The following CACNA1A variants were observed in gnomAD, a reference collection of about 807,000 sequenced individuals.
The protein encoded by CACNA1A is voltage-dependent P/Q-type calcium channel subunit alpha-1A.
A neutral mutation model predicts 262.4 loss-of-function variants in CACNA1A; 57 were observed. The observed-to-expected ratio is 0.22, with a 90% CI of 0.18 to 0.27. The LOEUF is 0.27. Among genes scored for constraint, CACNA1A ranks in the 10% least tolerant of loss-of-function variants. CACNA1A has a pLI of 1.00. For missense variants in CACNA1A, 2,526 were observed against 3,562.8 expected, an observed-to-expected ratio of 0.71 and a Z score of 7.41; for synonymous variants, 1,431 against 1,419.3, an observed-to-expected ratio of 1.01 and a Z score of -0.18.
At position 13,214,025 on chromosome 19, in the gene CACNA1A, C is replaced by G; in HGVS notation, c.5940+208G>C. On this transcript the variant is annotated intron_variant, in intron 40 of 46. Coordinates refer to ENST00000360228, the MANE Select transcript of CACNA1A (RefSeq NM_001127222.2). This position sits in a 1 kb window ranked among gnomAD's most constrained non-coding sequence, Gnocchi z 4.1. Reference sequence around the variant, plus strand: ...TAGAGATGGAGTCTCACTGTGTTGCCCAGGGTGGTCTCATCCTGGTCTCAA... The same window carrying G: ...TAGAGATGGAGTCTCACTGTGTTGCGCAGGGTGGTCTCATCCTGGTCTCAA... 5 of 567,670 alleles carry G rather than the reference C, an allele frequency of 8.8e-6. No homozygotes were observed. Among genetic ancestry groups the G allele is most frequent in the Non-Finnish European group, 1.6e-5 (5 of 316,078 alleles). The allele number at this position is 567,670 out of a possible 1,614,324, so 35.2% of individuals were successfully genotyped here.
rs60788974 is a variant in CACNA1A, at chr19:13,434,964, A to C, written c.539+17912T>G. ...GCCACCACACCTGGCTAATTTTTGT[A>C]CTTTTAGTAGAGACAGGATTTCACT... is the stretch of plus-strand genomic sequence containing the variant. On this transcript the variant is annotated intron_variant, in intron 3 of 46. Coordinates refer to ENST00000360228, the MANE Select transcript of CACNA1A (RefSeq NM_001127222.2). Among the ~76,000 whole-genome samples, 1,014 of 151,036 alleles carry C rather than the reference A, an allele frequency of 6.7e-3. 16 individuals carry two copies. Among genetic ancestry groups the C allele is most frequent in the African/African-American group, 0.022 (917 of 41,122 alleles).
intron 6 of CACNA1A, among the ~76,000 whole-genome samples, chr19:13,350,951 T>A (rs945004161): frequency 2.0e-5 from 3 of 152,172 alleles, no homozygotes; most frequent in Non-Finnish European, 4.4e-5. Flanking sequence ...CAGTGAGCTA[T>A]GATTGCATCA....
intron 3 of CACNA1A, among the ~76,000 whole-genome samples, chr19:13,420,645 C>T (rs991435051): frequency 6.6e-6 from 1 of 152,102 alleles, no homozygotes; most frequent in African/African-American, 2.4e-5. Context: ...CTGCTGACAC[C>T]TTGATTTTAG....
chr19:13,368,006 C>T (rs57769552), intron 4 of CACNA1A, among the ~76,000 whole-genome samples: 7,651 of 151,786 alleles, frequency 0.05, 509 homozygotes, highest in African/African-American at 0.15. Flanking sequence ...TTGTAAGACT[C>T]GAAGAATGTT....
intron 3 of CACNA1A, among the ~76,000 whole-genome samples, chr19:13,418,395 G>C (rs1335667886): frequency 2.6e-5 from 4 of 152,114 alleles, no homozygotes; most frequent in Non-Finnish European, 5.9e-5. Context: ...GTAGTGGGTT[G>C]AACAGTGAAC....
chr19:13,288,706 G>GC (rs1339759642), intron 19 of CACNA1A, among the ~76,000 whole-genome samples: 14 of 152,096 alleles, frequency 9.2e-5, no homozygotes, highest in Non-Finnish European at 8.8e-5. Context: ...TCACTTAGTA[G>GC]CCCATCTGAT....
chr19:13,290,316 T>G (rs538039162), intron 19 of CACNA1A, among the ~76,000 whole-genome samples: 2 of 152,088 alleles, frequency 1.3e-5, no homozygotes, highest in South Asian at 4.1e-4. Flanking sequence ...AACCTGCTTG[T>G]GATGCTTTTT....
At chr19:13,397,443 C>T (rs576832211) in intron 3 of CACNA1A, among the ~76,000 whole-genome samples, 3 of 152,124 alleles carry the variant, frequency 2.0e-5, no homozygotes, top group Admixed American at 6.5e-5. Flanking sequence ...ATAGGAATGT[C>T]CCTTAAAATT....
chr19:13,370,111 C>CT (rs1425244454), intron 4 of CACNA1A, among the ~76,000 whole-genome samples: 6 of 146,522 alleles, frequency 4.1e-5, no homozygotes. Flanking sequence ...TTTTTTTTTT[C>CT]TTTTTTTGAG....
intron 22 of CACNA1A, 41 bp downstream of exon 22, chr19:13,283,226 G>T: frequency 6.2e-7 from 1 of 1,602,790 alleles, no homozygotes; most frequent in South Asian, 1.1e-5. Context: ...GCCTGAGGCA[G>T]AGCAGCCAGG....
intron 23 of CACNA1A, 52 bp downstream of exon 23, chr19:13,277,017 C>CA: frequency 7.7e-7 from 1 of 1,305,664 alleles, no homozygotes; most frequent in Non-Finnish European, 1.1e-6. Context: ...CAGCCCTGCA[C>CA]TTGCTTAAAA....
intron 3 of CACNA1A, among the ~76,000 whole-genome samples, chr19:13,436,515 T>G (rs2060613573): frequency 6.6e-6 from 1 of 151,868 alleles, no homozygotes; most frequent in African/African-American, 2.4e-5. Context: ...ATTAATTCAC[T>G]CATTCATTCA....
chr19:13,376,830 CATGTTATATGTGATATATAACACAT>C (rs1360999744), intron 3 of CACNA1A, among the ~76,000 whole-genome samples: 4 of 80,264 alleles, frequency 5.0e-5, no homozygotes, highest in Admixed American at 1.2e-4. Flanking sequence ...ATATATAACA[CATGTTATATGTGATATATAACACAT>C]ATGTTATATG....
chr19:13,334,593 T>TTTG, intron 7 of CACNA1A, 100 bp from the exon 8 acceptor site: 1 of 503,858 alleles, frequency 2.0e-6, no homozygotes, highest in South Asian at 2.6e-5. Context: ...GTGTGTGTGT[T>TTTG]TGTGTGTGTG....
intron 32 of CACNA1A, 33 bp downstream of exon 32, chr19:13,235,581 A>G (rs769497366): frequency 2.8e-6 from 4 of 1,445,100 alleles, no homozygotes; most frequent in Middle Eastern, 1.8e-4. Flanking sequence ...CTGTCTTCTC[A>G]GCCCTGGGCC....
At chr19:13,413,123 T>C (rs1449005640) in intron 3 of CACNA1A, among the ~76,000 whole-genome samples, 2 of 148,912 alleles carry the variant, frequency 1.3e-5, no homozygotes, top group Non-Finnish European at 3.0e-5. Context: ...GTTTTTTTTT[T>C]AGATGGTGTC....
At chr19:13,382,358 G>A (rs2059538305) in intron 3 of CACNA1A, among the ~76,000 whole-genome samples, 1 of 152,126 alleles carries the variant, frequency 6.6e-6, no homozygotes, top group South Asian at 2.1e-4. Flanking sequence ...CCTCGGAAAT[G>A]CAGATAATCT....
chr19:13,252,809 C>T (rs1013556039), intron 30 of CACNA1A, 182 bp downstream of exon 30: 5 of 500,678 alleles, frequency 1.0e-5, no homozygotes, highest in African/African-American at 7.8e-5. Context: ...GGTTGGGTCT[C>T]CCTGGGACTC....
intron 3 of CACNA1A, among the ~76,000 whole-genome samples, chr19:13,439,768 G>A (rs1430597814): frequency 6.6e-6 from 1 of 151,946 alleles, no homozygotes; most frequent in East Asian, 1.9e-4. Flanking sequence ...GGCATAAAAG[G>A]GATTTTTAGG....
Sources: gnomAD v4.1 joint callset for allele counts (sites outside exome capture counted in the v4.1 genomes callset) on GRCh38, gnomAD v4.1.1 for gene constraint, Gnocchi (gnomAD v3.1) non-coding constraint, MANE v1.5 for transcripts, NCBI Gene and HGNC (gene_info 2026-07-23, HGNC 2026-07-21) for gene names.